The following FRMPD4 variants were observed in gnomAD, a reference collection of about 807,000 sequenced individuals.
FRMPD4 encodes FERM and PDZ domain containing 4, also known as FERM and PDZ domain-containing protein 4.
In FRMPD4, 22 loss-of-function variants were observed where a neutral mutation model predicts 94.1. The ratio of observed to expected loss-of-function variants is 0.23; its 90% CI spans 0.17 to 0.33. The LOEUF is 0.33. Ranked by LOEUF, FRMPD4 falls within the 10% of genes least tolerant of loss-of-function variation. The probability of loss-of-function intolerance (pLI) is 1.00; values close to 1 mark genes in which losing one functional copy is unlikely to be tolerated. For missense variants in FRMPD4, 1,111 were observed against 1,339.9 expected (o/e 0.83, Z 2.67); for synonymous variants, 631 against 548.6 (o/e 1.15, Z -2.10).
intron 1 of FRMPD4, among the ~76,000 whole-genome samples, chrX:12,389,614 G>T (rs977909332): frequency 9.0e-6 from 1 of 111,338 alleles, no homozygotes; most frequent in African/African-American, 3.3e-5. Flanking sequence ...AATATAACAC[G>T]TTATATCCCA....
chrX:12,266,342 C>T (rs1024557524), intron 1 of FRMPD4, among the ~76,000 whole-genome samples: 119 of 110,696 alleles, frequency 1.1e-3, no homozygotes, highest in Admixed American at 2.9e-4. Flanking sequence ...TCTAGGATAG[C>T]ATCCATTGGG....
intron 3 of FRMPD4, among the ~76,000 whole-genome samples, chrX:11,990,813 G>A (rs944500610): frequency 1.8e-5 from 2 of 111,725 alleles, no homozygotes; most frequent in African/African-American, 6.5e-5. Context: ...GTGGAGCTAG[G>A]TCCTCTACAC....
chrX:12,051,083 T>C (rs1166645952), intron 3 of FRMPD4, among the ~76,000 whole-genome samples: 1 of 111,587 alleles, frequency 9.0e-6, no homozygotes, highest in East Asian at 2.8e-4. Context: ...GCTAATACCA[T>C]GTATATGAAG....
At chrX:12,243,789 G>A (rs1278757781) in intron 1 of FRMPD4, among the ~76,000 whole-genome samples, 1 of 64,602 alleles carries the variant, frequency 1.5e-5, no homozygotes, top group South Asian at 1.1e-3. Flanking sequence ...CATCTAAAGG[G>A]CTTTTTTTTT....
intron 2 of FRMPD4, among the ~76,000 whole-genome samples, chrX:12,499,894 C>T (rs138487475): frequency 2.0e-3 from 227 of 111,639 alleles, no homozygotes; most frequent in African/African-American, 6.9e-3. Context: ...CATACCTAGG[C>T]GTGGAGTTGC....
intron 1 of FRMPD4, among the ~76,000 whole-genome samples, chrX:12,281,586 G>A (rs2054526805): frequency 9.0e-6 from 1 of 110,725 alleles, no homozygotes; most frequent in Non-Finnish European, 1.9e-5. Flanking sequence ...CGTTACTCAG[G>A]CTGGTCTCAA....
chrX:12,075,578 C>T (rs1184598915), intron 3 of FRMPD4, among the ~76,000 whole-genome samples: 6 of 112,426 alleles, frequency 5.3e-5, no homozygotes, highest in African/African-American at 1.9e-4. Flanking sequence ...ACCTTGTCTG[C>T]GGTACTGCAG....
chrX:12,375,056 C>G (rs746659864), intron 1 of FRMPD4: 1 of 112,137 alleles, frequency 8.9e-6, no homozygotes, highest in African/African-American at 3.2e-5. Flanking sequence ...CAATCCCGAC[C>G]TAGCGTCTTC....
chrX:12,546,359 G>A (rs1042421447), intron 2 of FRMPD4, among the ~76,000 whole-genome samples: 16 of 111,042 alleles, frequency 1.4e-4, no homozygotes, highest in African/African-American at 3.3e-4. Flanking sequence ...TGTATTTTTC[G>A]TAGAGACCAG....
At chrX:11,911,114 TG>T in intron 3 of FRMPD4, among the ~76,000 whole-genome samples, 1 of 112,562 alleles carries the variant, frequency 8.9e-6, no homozygotes, top group South Asian at 3.7e-4. Flanking sequence ...TCAACTCTGC[TG>T]TTATAGTGCA....
intron 3 of FRMPD4, among the ~76,000 whole-genome samples, chrX:12,090,222 A>T (rs558372644): frequency 2.7e-5 from 3 of 109,909 alleles, no homozygotes; most frequent in Middle Eastern, 9.2e-3. Flanking sequence ...CATCCCCTTG[A>T]TATAGTTCTC....
intron 1 of FRMPD4, among the ~76,000 whole-genome samples, chrX:12,439,347 G>A (rs779810775): frequency 2.7e-5 from 3 of 111,441 alleles, no homozygotes; most frequent in Non-Finnish European, 3.8e-5. Flanking sequence ...GCAAACATCC[G>A]TGAAATGATG....
At chrX:12,621,286 T>G in intron 4 of FRMPD4, among the ~76,000 whole-genome samples, 1 of 109,018 alleles carries the variant, frequency 9.2e-6, no homozygotes, top group Non-Finnish European at 1.9e-5. Flanking sequence ...ATGTTTGCCC[T>G]CTCAAATGCA....
rs3068660 is a variant in FRMPD4 at position 12,388,818 on chromosome X, G to GATATATAT, written c.42-109836_42-109829dup. On this transcript the variant is annotated intron_variant, in intron 1 of 16. Coordinates refer to ENST00000675598, the MANE Select transcript of FRMPD4 (RefSeq NM_001368397.1). ...ACGGATGAATGGATAAAGAAAATGT[G>GATATATAT]ATATATATATATATATATATATATA... Among the ~76,000 whole-genome samples, 317 of 60,677 alleles carry GATATATAT rather than the reference G, an allele frequency of 5.2e-3. 2 individuals are homozygous for GATATATAT. Among genetic ancestry groups the GATATATAT allele is most frequent in the Admixed American group, 0.023 (116 of 5,111 alleles). The allele number at this position is 60,677 out of a possible 115,157, so 52.7% of individuals were successfully genotyped here.
chrX:11,978,179 G>A (rs1353565434), intron 3 of FRMPD4, among the ~76,000 whole-genome samples: 11 of 108,298 alleles, frequency 1.0e-4, no homozygotes, highest in African/African-American at 3.4e-4. Flanking sequence ...AAAATTAGCC[G>A]GGTGTGGTGG....
At chrX:12,118,596 G>A (rs1041228822) in intron 3 of FRMPD4, among the ~76,000 whole-genome samples, 4 of 111,671 alleles carry the variant, frequency 3.6e-5, no homozygotes, top group South Asian at 3.8e-4. Flanking sequence ...GCAGGGACAG[G>A]CTTGTCTCCA....
At chrX:12,595,846 G>A (rs956577345) in intron 2 of FRMPD4, among the ~76,000 whole-genome samples, 5 of 111,997 alleles carry the variant, frequency 4.5e-5, no homozygotes, top group African/African-American at 1.3e-4. Context: ...ACAAGATGAC[G>A]GTACATCACT....
chrX:12,254,082 G>T (rs919872370), intron 1 of FRMPD4, among the ~76,000 whole-genome samples: 3 of 111,799 alleles, frequency 2.7e-5, no homozygotes, highest in African/African-American at 9.7e-5. Context: ...TTGGACAGGG[G>T]CAAAAGTGGC....
chrX:12,428,649 G>C (rs1021621325), intron 1 of FRMPD4, among the ~76,000 whole-genome samples: 4 of 111,553 alleles, frequency 3.6e-5, no homozygotes, highest in African/African-American at 1.3e-4. Flanking sequence ...ATATCTTCCA[G>C]TACTTTATTA....
Sources: allele counts gnomAD v4.1 joint callset (sites outside exome capture counted in the v4.1 genomes callset), GRCh38; gene constraint gnomAD v4.1.1; transcripts MANE v1.5; gene names NCBI Gene and HGNC (gene_info 2026-07-23, HGNC 2026-07-21).